CACNA1E: variants seen among roughly 807,000 people sequenced by gnomAD.
CACNA1E encodes calcium voltage-gated channel subunit alpha1 E.
Under a neutral mutation model 259.2 loss-of-function variants are expected in CACNA1E, and 40 were observed. The observed-to-expected ratio is 0.15, with a 90% CI of 0.12 to 0.20. CACNA1E has a LOEUF of 0.20. CACNA1E is among the 10% of genes least tolerant of loss of function. The probability of loss-of-function intolerance (pLI) is 1.00; values close to 1 mark genes in which losing one functional copy is unlikely to be tolerated. For missense variants in CACNA1E, 1,874 were observed against 3,040.1 expected, an observed-to-expected ratio of 0.62 and a Z score of 9.02; for synonymous variants, 1,104 against 1,138.5, an observed-to-expected ratio of 0.97 and a Z score of 0.61.
chr1:181,545,748 G>A (rs553165095), intron 3 of CACNA1E, among the ~76,000 whole-genome samples: 4 of 152,128 alleles, frequency 2.6e-5, no homozygotes, highest in Middle Eastern at 3.2e-3. Context: ...AATAGTTGTC[G>A]CCTGCCTTTC....
chr1:181,557,485 G>A (rs552248792), intron 3 of CACNA1E, among the ~76,000 whole-genome samples: 2 of 152,332 alleles, frequency 1.3e-5, no homozygotes, highest in South Asian at 4.1e-4. Context: ...GCTGACAGCT[G>A]TGTGGAGCAG....
At chr1:181,691,262 T>C (rs1651128238) in intron 7 of CACNA1E, among the ~76,000 whole-genome samples, 1 of 151,996 alleles carries the variant, frequency 6.6e-6, no homozygotes, top group Admixed American at 6.6e-5. Flanking sequence ...TAGTTTTCCT[T>C]ATGTAGATAT....
chr1:181,776,197 C>T lies in CACNA1E; in HGVS notation c.5236C>T (p.Arg1746Cys), dbSNP rs777149894. The change falls in exon 38 of 48, where the codon CGC (arginine) becomes TGC (cysteine). Residue 1746 changes from arginine (R) to cysteine (C), a missense_variant. Coordinates refer to ENST00000367573, the MANE Select transcript of CACNA1E (RefSeq NM_001205293.3). The surrounding 1 kb of genome is among the most constrained non-coding windows in gnomAD (Gnocchi z 4.4). The part of the protein sequence containing the change: ...LGPHHLDEFV[R>C]VWAEYDRAAC... ...GCCTCACCACTTGGACGAGTTTGTC[C>T]GCGTCTGGGCAGAATATGACCGAGC... 2 of 1,614,000 alleles carry T rather than the reference C, an allele frequency of 1.2e-6. No homozygotes were observed. Among genetic ancestry groups the T allele is most frequent in the Non-Finnish European group, 1.7e-6 (2 of 1,179,876 alleles).
intron 2 of CACNA1E, among the ~76,000 whole-genome samples, chr1:181,451,982 T>A (rs980883542): frequency 2.0e-5 from 3 of 152,206 alleles, no homozygotes; most frequent in Non-Finnish European, 2.9e-5. Flanking sequence ...GCGAGATAAA[T>A]GTCTCTTGGA....
At chr1:181,573,240 G>A (rs12125577) in intron 3 of CACNA1E, among the ~76,000 whole-genome samples, 4,226 of 152,224 alleles carry the variant, frequency 0.028, 84 homozygotes, top group Middle Eastern at 0.058. Flanking sequence ...TTGTCACTGC[G>A]GTGTTTCCCA....
chr1:181,657,658 C>T (rs891815042), intron 7 of CACNA1E, among the ~76,000 whole-genome samples: 11 of 152,230 alleles, frequency 7.2e-5, no homozygotes, highest in Non-Finnish European at 1.0e-4. Flanking sequence ...ATCTAACATC[C>T]GTGGGGGAAG....
intron 3 of CACNA1E, among the ~76,000 whole-genome samples, chr1:181,548,840 G>A (rs1411564981): frequency 6.6e-6 from 1 of 152,202 alleles, no homozygotes; most frequent in Admixed American, 6.5e-5. Flanking sequence ...ATCATGTTTA[G>A]TTGGCTAAGC....
intron 1 of CACNA1E, among the ~76,000 whole-genome samples, chr1:181,399,718 A>G (rs902366154): frequency 7.2e-5 from 11 of 152,230 alleles, no homozygotes; most frequent in Admixed American, 7.2e-4. Context: ...ATGACTGTTT[A>G]ATATTATGTA....
At chr1:181,691,512 T>C (rs1057139217) in intron 7 of CACNA1E, among the ~76,000 whole-genome samples, 4 of 152,098 alleles carry the variant, frequency 2.6e-5, no homozygotes, top group African/African-American at 7.2e-5. Flanking sequence ...ATTCAATAAC[T>C]TGGATAAAAT....
At chr1:181,539,728 C>G (rs1183765954) in intron 3 of CACNA1E, among the ~76,000 whole-genome samples, 1 of 152,174 alleles carries the variant, frequency 6.6e-6, no homozygotes, top group Non-Finnish European at 1.5e-5. Flanking sequence ...TTCCTCTGAG[C>G]AGTAACCTCT....
At chr1:181,761,367 T>C (rs1191429436) in intron 32 of CACNA1E, among the ~76,000 whole-genome samples, 1 of 152,218 alleles carries the variant, frequency 6.6e-6, no homozygotes, top group Non-Finnish European at 1.5e-5. Context: ...GGGATATTTT[T>C]CAATCCCTGC....
At chr1:181,381,347 A>G (rs796212466) in intron 1 of CACNA1E, among the ~76,000 whole-genome samples, 2 of 152,246 alleles carry the variant, frequency 1.3e-5, no homozygotes, top group South Asian at 4.1e-4. Context: ...GATATGAGCT[A>G]CAACATGGGA....
intron 12 of CACNA1E, among the ~76,000 whole-genome samples, chr1:181,718,678 G>A (rs2102470789): frequency 7.3e-6 from 1 of 136,288 alleles, no homozygotes; most frequent in Non-Finnish European, 1.6e-5. Context: ...CCTTATATTA[G>A]CAAGTCCTCA....
chr1:181,732,600 G>C lies in CACNA1E; in HGVS notation c.2514G>C (p.Leu838=). ...RRPRAIEGLA[L]GLALEKFEEE... ...CCAGGGCCATTGAGGGCCTGGCCCTGGGCCTGGCCCTGGAGAAGTTCGAGG... is the reference window on the plus strand; with the variant it reads ...CCAGGGCCATTGAGGGCCTGGCCCTCGGCCTGGCCCTGGAGAAGTTCGAGG... Residue 838 remains leucine, a synonymous_variant, in exon 20 of 48, where the codon CTG becomes CTC. Coordinates refer to ENST00000367573, the MANE Select transcript of CACNA1E (RefSeq NM_001205293.3). This position sits in a 1 kb window ranked among gnomAD's most constrained non-coding sequence, Gnocchi z 5.5. 1 of 1,500,456 alleles carries C rather than the reference G, an allele frequency of 6.7e-7. No individual in the cohort carries two copies. The allele number at this position is 1,500,456 out of a possible 1,614,324, so 92.9% of individuals were successfully genotyped here.
chr1:181,413,230 CAGG>C, exon 2 of CACNA1E: 1 of 152,948 alleles, frequency 6.5e-6, no homozygotes, highest in Non-Finnish European at 1.5e-5. Context: ...GCCCTGAGCC[CAGG>C]TCCGCGGGCC....
Position 181,474,137 on chromosome 1 carries a change from T to G in CACNA1E, c.435-9607T>G, listed in dbSNP as rs532602719. On this transcript the variant is annotated intron_variant, in intron 2 of 11. Coordinates refer to the CACNA1E transcript ENST00000524607. ...TTTGCAATATGAAAATAGAGATTAT[T>G]TAAACAAAGGAAAGTAGCATAACTG... Among the ~76,000 whole-genome samples, 799 of 102,698 alleles carry G rather than the reference T, an allele frequency of 7.8e-3. 3 individuals carry two copies. The highest frequency in any genetic ancestry group is 0.041 in the African/African-American group (769 of 18,912). The allele number at this position is 102,698 out of a possible 152,430, so 67.4% of individuals were successfully genotyped here.
intron 2 of CACNA1E, among the ~76,000 whole-genome samples, chr1:181,421,852 T>G (rs1474231205): frequency 6.6e-6 from 1 of 152,210 alleles, no homozygotes; most frequent in Admixed American, 6.5e-5. Context: ...TCTTTGCATC[T>G]TTGTTTCCCT....
At chr1:181,715,443 G>C in intron 9 of CACNA1E, 52 bp downstream of exon 9, 1 of 978,368 alleles carries the variant, frequency 1.0e-6, no homozygotes. Context: ...CCTCTTAGGC[G>C]ATGGCAATCT....
chr1:181,606,033 A>G (rs1157798496), intron 6 of CACNA1E, among the ~76,000 whole-genome samples: 1 of 152,070 alleles, frequency 6.6e-6, no homozygotes, highest in East Asian at 1.9e-4. Context: ...TGGTGCCATT[A>G]CACCGTCCTG....
Sources: gnomAD v4.1 joint callset for allele counts (sites outside exome capture counted in the v4.1 genomes callset) on GRCh38, gnomAD v4.1.1 for gene constraint, Gnocchi (gnomAD v3.1) non-coding constraint, MANE v1.5 for transcripts, NCBI Gene and HGNC (gene_info 2026-07-23, HGNC 2026-07-21) for gene names.